SGCZ: variants seen among roughly 807,000 people sequenced by gnomAD.
SGCZ encodes zeta-sarcoglycan.
In SGCZ, 40 loss-of-function variants were observed where a neutral mutation model predicts 41.3. The observed-to-expected ratio is 0.97, with a 90% CI of 0.75 to 1.26. The LOEUF is 1.26. Ranked by LOEUF, SGCZ falls within the 50% of genes most tolerant of loss-of-function variation. The probability of loss-of-function intolerance (pLI) is 0.00; values close to 1 mark genes in which losing one functional copy is unlikely to be tolerated. For missense variants in SGCZ, 552 were observed against 369.8 expected (o/e 1.49, Z -4.04); for synonymous variants, 206 against 137.5 (o/e 1.50, Z -3.49).
chr8:14,412,359 G>A (rs770085090), intron 2 of SGCZ, among the ~76,000 whole-genome samples: 1 of 152,072 alleles, frequency 6.6e-6, no homozygotes, highest in Non-Finnish European at 1.5e-5. Flanking sequence ...CCAATCTACA[G>A]CAACTATTAT....
chr8:15,035,731 A>G (rs941174173), intron 1 of SGCZ, among the ~76,000 whole-genome samples: 1 of 152,168 alleles, frequency 6.6e-6, no homozygotes, highest in Non-Finnish European at 1.5e-5. Flanking sequence ...ACTGTCAAAC[A>G]AGACAAAAAG....
At chr8:14,587,610 G>T (rs1805103104) in intron 1 of SGCZ, among the ~76,000 whole-genome samples, 1 of 152,160 alleles carries the variant, frequency 6.6e-6, no homozygotes, top group African/African-American at 2.4e-5. Context: ...CAGTCTTATT[G>T]CAGTGAACTT....
intron 7 of SGCZ, among the ~76,000 whole-genome samples, chr8:14,092,824 G>A (rs182110906): frequency 3.4e-4 from 52 of 151,900 alleles, no homozygotes; most frequent in East Asian, 2.7e-3. Flanking sequence ...TGTCTTTGTC[G>A]GCAATGTAAA....
chr8:14,197,040 G>T (rs1004252214), intron 4 of SGCZ, among the ~76,000 whole-genome samples: 1 of 152,090 alleles, frequency 6.6e-6, no homozygotes, highest in African/African-American at 2.4e-5. Flanking sequence ...GGTAATGGTT[G>T]CACAACTGTA....
intron 1 of SGCZ, among the ~76,000 whole-genome samples, chr8:15,191,697 G>T (rs977776021): frequency 2.6e-5 from 4 of 151,990 alleles, no homozygotes; most frequent in Admixed American, 2.6e-4. Context: ...ACGAGCTTCA[G>T]CTGTAGAGAT....
chr8:14,753,358 C>T (rs2130325786), intron 1 of SGCZ, among the ~76,000 whole-genome samples: 1 of 152,302 alleles, frequency 6.6e-6, no homozygotes, highest in East Asian at 1.9e-4. Flanking sequence ...AGGATGCACA[C>T]TTTTAAACAA....
chr8:14,756,733 A>G (rs796361424), intron 1 of SGCZ, among the ~76,000 whole-genome samples: 9 of 152,342 alleles, frequency 5.9e-5, no homozygotes, highest in African/African-American at 2.2e-4. Context: ...ATTAAAAAAT[A>G]TTAAACCTAT....
chr8:14,621,647 G>A (rs900511249), intron 1 of SGCZ, among the ~76,000 whole-genome samples: 2 of 152,082 alleles, frequency 1.3e-5, no homozygotes, highest in African/African-American at 4.8e-5. Context: ...TCACAATGGA[G>A]AGCAAGAGAC....
At chr8:14,748,374 G>C (rs1799400035) in intron 1 of SGCZ, among the ~76,000 whole-genome samples, 1 of 152,098 alleles carries the variant, frequency 6.6e-6, no homozygotes, top group South Asian at 2.1e-4. Context: ...TGGCATGAAT[G>C]GGCAAGCAAA....
chr8:14,989,171 A>C (rs1801925685), intron 1 of SGCZ, among the ~76,000 whole-genome samples: 1 of 152,254 alleles, frequency 6.6e-6, no homozygotes, highest in East Asian at 1.9e-4. Flanking sequence ...ACTACTTTTG[A>C]GTGGTAACTT....
intron 2 of SGCZ, among the ~76,000 whole-genome samples, chr8:14,551,551 A>AT (rs1803847886): frequency 3.9e-5 from 1 of 25,958 alleles, no homozygotes; most frequent in Non-Finnish European, 6.3e-5. Context: ...TAATATATAT[A>AT]ATATATATTA....
At chr8:15,197,491 T>C (rs1040367211) in intron 1 of SGCZ, among the ~76,000 whole-genome samples, 7 of 152,348 alleles carry the variant, frequency 4.6e-5, no homozygotes, top group Middle Eastern at 3.4e-3. Context: ...GAAGCACTGG[T>C]ATCTTCGCAG....
In SGCZ at chr8:14,450,403, A is replaced by G. The variant is rs187792494; in HGVS notation, c.234+104329T>C. The stretch of plus-strand genomic sequence containing the variant: ...TGTAGAAATTGGCTTTATAGTCAGC[A>G]CAGCCCAACATAAAGGGTCAGGAGG... On this transcript the variant is annotated intron_variant, in intron 2 of 7. Transcript: ENST00000382080. Among the ~76,000 whole-genome samples the G allele has an allele frequency of 3.6e-4, 55 of 152,360 alleles. 1 individual carries two copies. The South Asian group carries it at 5.6e-3, about 15-fold the overall frequency.
chr8:14,185,304 G>A (rs865982977), intron 4 of SGCZ, among the ~76,000 whole-genome samples: 1 of 152,100 alleles, frequency 6.6e-6, no homozygotes, highest in Admixed American at 6.6e-5. Flanking sequence ...CTCGCAGGCT[G>A]AGGGAGAAGA....
chr8:15,176,861 C>T (rs559203618), intron 1 of SGCZ, among the ~76,000 whole-genome samples: 6 of 152,232 alleles, frequency 3.9e-5, no homozygotes, highest in South Asian at 2.1e-4. Context: ...ATTAGCCAGG[C>T]GTGGTGGCAG....
intron 1 of SGCZ, among the ~76,000 whole-genome samples, chr8:14,742,460 A>G (rs1799222965): frequency 6.6e-6 from 1 of 152,062 alleles, no homozygotes; most frequent in Admixed American, 6.6e-5. Context: ...TTAAGCACCT[A>G]TGCCACCCAT....
chr8:14,293,972 A>G (rs1800929335), intron 3 of SGCZ, among the ~76,000 whole-genome samples: 1 of 151,820 alleles, frequency 6.6e-6, no homozygotes, highest in Non-Finnish European at 1.5e-5. Context: ...AAACTGGATC[A>G]ACAATCTATA....
At chr8:14,254,232 A>G (rs1799385953) in intron 3 of SGCZ, among the ~76,000 whole-genome samples, 1 of 152,214 alleles carries the variant, frequency 6.6e-6, no homozygotes, top group Non-Finnish European at 1.5e-5. Flanking sequence ...TAAAAATGTT[A>G]CATTATAAAA....
intron 2 of SGCZ, among the ~76,000 whole-genome samples, chr8:14,389,596 C>G (rs185030130): frequency 6.6e-6 from 1 of 151,648 alleles, no homozygotes; most frequent in East Asian, 1.9e-4. Flanking sequence ...AAATAAAGAT[C>G]GTCTTAGACA....
Sources: allele counts gnomAD v4.1 joint callset (sites outside exome capture counted in the v4.1 genomes callset), GRCh38; gene constraint gnomAD v4.1.1; transcripts MANE v1.5; gene names NCBI Gene and HGNC (gene_info 2026-07-23, HGNC 2026-07-21).